Variants in HMGB1 observed in about 807,000 individuals in gnomAD.
HMGB1 encodes the protein high mobility group box 1.
For synonymous variants in HMGB1, 81 were observed against 84.0 expected (o/e 0.96, Z 0.19); for missense variants, 79 against 253.5 (o/e 0.31, Z 4.67).
chr13:30,518,761 G>A, intron 1 of HMGB1, among the ~76,000 whole-genome samples: 1 of 147,384 alleles, frequency 6.8e-6, no homozygotes, highest in East Asian at 2.0e-4. Flanking sequence ...ATGGAGCACA[G>A]TGTCCACAAG....
chr13:30,489,506 T>A (rs1322827104), intron 1 of HMGB1, among the ~76,000 whole-genome samples: 1 of 152,196 alleles, frequency 6.6e-6, no homozygotes, highest in Non-Finnish European at 1.5e-5. Context: ...CGGTACATAT[T>A]TTTAACTTAC....
At chr13:30,465,230 G>A (rs1886696813) in intron 1 of HMGB1, 4 of 413,430 alleles carry the variant, frequency 9.7e-6, no homozygotes, top group Non-Finnish European at 9.4e-6. Flanking sequence ...GAGGCCGGCC[G>A]GGCCCGCACT....
chr13:30,500,097 G>A (rs1318854620), intron 1 of HMGB1, among the ~76,000 whole-genome samples: 1 of 152,106 alleles, frequency 6.6e-6, no homozygotes, highest in Non-Finnish European at 1.5e-5. Context: ...ACAGGAGTGA[G>A]CCCTCTCCAG....
chr13:30,552,433 C>T (rs931753763), intron 1 of HMGB1, among the ~76,000 whole-genome samples: 5 of 152,116 alleles, frequency 3.3e-5, no homozygotes, highest in African/African-American at 1.2e-4. Flanking sequence ...CATATTTCTC[C>T]TCAGTTGGCT....
chr13:30,535,833 G>A (rs1443059458), intron 1 of HMGB1, among the ~76,000 whole-genome samples: 2 of 152,098 alleles, frequency 1.3e-5, no homozygotes, highest in African/African-American at 2.4e-5. Flanking sequence ...GAGGTTGCAG[G>A]GAGTTGAGAT....
intron 1 of HMGB1, among the ~76,000 whole-genome samples, chr13:30,505,884 T>G (rs1385536532): frequency 6.6e-6 from 1 of 151,898 alleles, no homozygotes; most frequent in Non-Finnish European, 1.5e-5. Context: ...GTAGACAGTT[T>G]TTTTGTTTTT....
intron 1 of HMGB1, among the ~76,000 whole-genome samples, chr13:30,475,011 A>C (rs376983730): frequency 2.3e-5 from 2 of 85,830 alleles, no homozygotes; most frequent in East Asian, 7.6e-4. Flanking sequence ...GCTGGAGTGC[A>C]GTGATGCGAC....
intron 1 of HMGB1, among the ~76,000 whole-genome samples, chr13:30,607,998 T>C (rs1950477033): frequency 6.6e-6 from 1 of 152,162 alleles, no homozygotes; most frequent in Non-Finnish European, 1.5e-5. Context: ...TACCTTTGTG[T>C]AGGTAGGTCT....
intron 1 of HMGB1, among the ~76,000 whole-genome samples, chr13:30,536,321 T>C (rs1203942918): frequency 2.6e-5 from 4 of 152,200 alleles, no homozygotes; most frequent in African/African-American, 7.2e-5. Flanking sequence ...TGCTTCACAA[T>C]GCAATGTACT....
At chr13:30,582,978 CT>C (rs1200974763) in intron 1 of HMGB1, among the ~76,000 whole-genome samples, 2 of 152,112 alleles carry the variant, frequency 1.3e-5, no homozygotes, top group Non-Finnish European at 2.9e-5. Flanking sequence ...CTGTAGATGA[CT>C]CTGAATGAGT....
intron 1 of HMGB1, among the ~76,000 whole-genome samples, chr13:30,475,450 T>C (rs1052350910): frequency 1.1e-4 from 17 of 150,780 alleles, no homozygotes; most frequent in African/African-American, 4.2e-4. Flanking sequence ...TGGGCTCAAG[T>C]GATCTGCCTG....
intron 1 of HMGB1, among the ~76,000 whole-genome samples, chr13:30,608,772 G>C (rs971603603): frequency 1.3e-5 from 2 of 152,164 alleles, no homozygotes; most frequent in Non-Finnish European, 2.9e-5. Context: ...GCTACCTTTT[G>C]AAACAACTTT....
intron 1 of HMGB1, among the ~76,000 whole-genome samples, chr13:30,595,223 A>G (rs2137557497): frequency 6.6e-6 from 1 of 152,290 alleles, no homozygotes; most frequent in African/African-American, 2.4e-5. Flanking sequence ...ACATATTTCA[A>G]ACAATCTAAA....
At chr13:30,616,364 T>C in intron 1 of HMGB1, among the ~76,000 whole-genome samples, 1 of 152,248 alleles carries the variant, frequency 6.6e-6, no homozygotes, top group East Asian at 1.9e-4. Flanking sequence ...ACAATTCAGT[T>C]TGGTGATGTT....
At chr13:30,462,426 C>T (rs1294662090) in intron 4 of HMGB1, 112 bp downstream of exon 4, 2 of 869,458 alleles carry the variant, frequency 2.3e-6, no homozygotes, top group Admixed American at 1.7e-5. Context: ...CTTATATCAA[C>T]ACCATACTTA....
intron 1 of HMGB1, among the ~76,000 whole-genome samples, chr13:30,476,082 G>C (rs931129800): frequency 6.8e-6 from 1 of 147,672 alleles, no homozygotes; most frequent in Non-Finnish European, 1.5e-5. Context: ...GGGAAACTGA[G>C]AAACAGAACT....
intron 1 of HMGB1, among the ~76,000 whole-genome samples, chr13:30,533,713 A>G (rs2137489259): frequency 6.6e-6 from 1 of 152,260 alleles, no homozygotes; most frequent in South Asian, 2.1e-4. Context: ...TTGCCTTGTG[A>G]CACAGGTATA....
At position 30,614,824 on chromosome 13, in the gene HMGB1, G is replaced by A. The variant is rs184098481; in HGVS notation, c.-15+1847C>T. On this transcript the variant is annotated intron_variant, in intron 1 of 4. Coordinates refer to the HMGB1 transcript ENST00000405805. ...GCAATTCTCCCTGCCTTAGCCTCCC[G>A]AGTAGCTGGGTTTACAGGCGCCTCC... 7.3e-5 allele frequency among the ~76,000 whole-genome samples: 11 copies of A among 151,658 alleles called. No homozygotes were observed. The East Asian group carries it at 2.1e-3, about 29-fold the overall frequency.
At chr13:30,560,286 G>C (rs1006140739) in intron 1 of HMGB1, among the ~76,000 whole-genome samples, 5 of 152,202 alleles carry the variant, frequency 3.3e-5, no homozygotes, top group Admixed American at 3.3e-4. Context: ...GTGGTCAGCA[G>C]TGTCTAATGC....
Sources: allele counts gnomAD v4.1 joint callset (sites outside exome capture counted in the v4.1 genomes callset), GRCh38; gene constraint gnomAD v4.1.1; transcripts MANE v1.5; gene names NCBI Gene and HGNC (gene_info 2026-07-23, HGNC 2026-07-21).